TPST1: variants seen among roughly 807,000 people sequenced by gnomAD.
TPST1 encodes protein-tyrosine sulfotransferase 1.
TPST1 carries 20 observed loss-of-function variants against 34.8 expected under a neutral mutation model. The observed-to-expected ratio is 0.57, with a 90% CI of 0.40 to 0.84. The LOEUF (loss-of-function observed/expected upper bound fraction) is 0.84, where lower values mean the gene tolerates loss of function less well. Among genes scored for constraint, TPST1 ranks in the 40% least tolerant of loss-of-function variants. TPST1 has a pLI of 0.00. For synonymous variants in TPST1, 152 were observed against 159.4 expected (o/e 0.95, Z 0.35); for missense variants, 353 against 455.5 (o/e 0.78, Z 2.05).
intron 2 of TPST1, among the ~76,000 whole-genome samples, chr7:66,266,816 A>G (rs1344155540): frequency 6.6e-6 from 1 of 152,214 alleles, no homozygotes. Flanking sequence ...ATGAAGTTCA[A>G]AAGTAGCTAA....
At chr7:66,307,511 G>A (rs1420456260) in intron 3 of TPST1, among the ~76,000 whole-genome samples, 1 of 152,216 alleles carries the variant, frequency 6.6e-6, no homozygotes, top group Non-Finnish European at 1.5e-5. Flanking sequence ...GGGAAAGGAT[G>A]CTGGTTTTTG....
At position 66,240,390 on chromosome 7, in the gene TPST1, A is replaced by T; in HGVS notation, c.-36A>T. On this transcript the variant is annotated 5_prime_UTR_variant, in exon 2 of 6. The change creates a premature stop within an existing upstream ORF in the 5' untranslated region. Coordinates refer to ENST00000304842, the MANE Select transcript of TPST1 (RefSeq NM_003596.4). ...ACATTTTCCGAAAATCATTTTGAGC[A>T]AAATATCTGTTTAATAACAAGATAA... 1.9e-6 allele frequency: 3 copies of T among 1,588,748 alleles called. No individual in the cohort carries two copies.
In TPST1 at chr7:66,272,092, A is replaced by G. The variant is rs996868671; in HGVS notation, c.846-14419A>G. Reference sequence around the variant, plus strand: ...TTCCTGGATGTAAGATTCTTGGCTTATTTTTCTTCCATATGTATATTAAAT... The same window carrying G: ...TTCCTGGATGTAAGATTCTTGGCTTGTTTTTCTTCCATATGTATATTAAAT... On this transcript the variant is annotated intron_variant, in intron 2 of 5. Coordinates refer to ENST00000304842, the MANE Select transcript of TPST1 (RefSeq NM_003596.4). Among the ~76,000 whole-genome samples, 3 of 152,094 alleles carry G rather than the reference A, an allele frequency of 2.0e-5. No individual in the cohort carries two copies. The South Asian group carries it at 6.2e-4, about 31-fold the overall frequency.
At chr7:66,272,664 C>T (rs553497709) in intron 2 of TPST1, among the ~76,000 whole-genome samples, 4 of 151,624 alleles carry the variant, frequency 2.6e-5, no homozygotes, top group Non-Finnish European at 5.9e-5. Flanking sequence ...TCACAGCTCA[C>T]TGCACCTCCT....
rs775023014 is a variant in TPST1, at chr7:66,331,147, T to A, written c.1045-21358T>A. On this transcript the variant is annotated intron_variant, in intron 3 of 5. Transcript: ENST00000304842. ...GCCAGTTATTTGCCACATGAGCCTC[T>A]GTCTACGGCAGTTGACAACATGCAG... Among the ~76,000 whole-genome samples, 3 of 152,340 alleles carry A rather than the reference T, an allele frequency of 2.0e-5. No homozygotes were observed. The South Asian group carries it at 6.2e-4, about 32-fold the overall frequency.
At chr7:66,283,511 A>G (rs1790975010) in intron 2 of TPST1, among the ~76,000 whole-genome samples, 1 of 152,200 alleles carries the variant, frequency 6.6e-6, no homozygotes, top group South Asian at 2.1e-4. Context: ...AGCCATAGAC[A>G]ATCTATACAT....
chr7:66,318,419 T>A (rs747551667), intron 3 of TPST1, among the ~76,000 whole-genome samples: 2 of 152,162 alleles, frequency 1.3e-5, no homozygotes, highest in Non-Finnish European at 2.9e-5. Context: ...GCATCTAAGA[T>A]CATCTTTCTC....
At position 66,262,352 on chromosome 7, in the gene TPST1, A is replaced by G. The variant is rs529464852; in HGVS notation, c.845+21082A>G. 3.9e-5 allele frequency among the ~76,000 whole-genome samples: 6 copies of G among 152,274 alleles called. 1 individual carries two copies. The East Asian group carries it at 1.2e-3, about 29-fold the overall frequency. The stretch of plus-strand genomic sequence containing the variant: ...CTCCCTTCCTCTTCTTTCATTGGGC[A>G]TACAGAAAATTTGGGATGCCTTTTA... On this transcript the variant is annotated intron_variant, in intron 2 of 5. Transcript: ENST00000304842.
At chr7:66,295,098 T>C (rs1344739057) in intron 3 of TPST1, among the ~76,000 whole-genome samples, 1 of 151,774 alleles carries the variant, frequency 6.6e-6, no homozygotes. Context: ...TTGCAGATAC[T>C]CAATTTTAGG....
At position 66,216,703 on chromosome 7, in the gene TPST1, C is replaced by A. The variant is rs111371101; in HGVS notation, c.-102+11181C>A. Among the ~76,000 whole-genome samples the A allele has an allele frequency of 3.3e-4, 51 of 152,272 alleles. 5 individuals carry two copies. Among genetic ancestry groups the A allele is most frequent in the African/African-American group, 1.2e-3 (49 of 41,566 alleles). On this transcript the variant is annotated intron_variant, in intron 1 of 5. Coordinates refer to ENST00000304842, the MANE Select transcript of TPST1 (RefSeq NM_003596.4). ...CAGGATGGTCTCAATCTCCTGACCTCGTGATCTGCGTGCCTCAGCCTCCCA... is the reference window on the plus strand; with the variant it reads ...CAGGATGGTCTCAATCTCCTGACCTAGTGATCTGCGTGCCTCAGCCTCCCA...
chr7:66,256,493 C>A (rs1790385948), intron 2 of TPST1, among the ~76,000 whole-genome samples: 1 of 152,166 alleles, frequency 6.6e-6, no homozygotes, highest in Admixed American at 6.5e-5. Flanking sequence ...TGGTATTTGG[C>A]AAGATTCAGT....
chr7:66,228,710 A>G (rs1339175012), intron 1 of TPST1, among the ~76,000 whole-genome samples: 1 of 152,160 alleles, frequency 6.6e-6, no homozygotes, highest in African/African-American at 2.4e-5. Flanking sequence ...AAAATACAAG[A>G]CTTTTTCTAG....
intron 2 of TPST1, among the ~76,000 whole-genome samples, chr7:66,260,284 C>T (rs532642982): frequency 6.6e-6 from 1 of 152,238 alleles, no homozygotes; most frequent in African/African-American, 2.4e-5. Flanking sequence ...CACATAGCCT[C>T]AAGGTGATTT....
intron 1 of TPST1, among the ~76,000 whole-genome samples, chr7:66,224,804 G>C (rs145948235): frequency 3.4e-5 from 5 of 148,926 alleles, no homozygotes; most frequent in African/African-American, 1.2e-4. Flanking sequence ...GGAAAGAGCA[G>C]TTCTATTAAT....
At chr7:66,338,544 A>G (rs1029215010) in intron 3 of TPST1, among the ~76,000 whole-genome samples, 1 of 152,210 alleles carries the variant, frequency 6.6e-6, no homozygotes, top group Non-Finnish European at 1.5e-5. Context: ...TCAACAGCAC[A>G]TGGAATATTC....
chr7:66,348,958 T>C (rs1187067391), intron 3 of TPST1, among the ~76,000 whole-genome samples: 2 of 152,162 alleles, frequency 1.3e-5, no homozygotes, highest in African/African-American at 4.8e-5. Flanking sequence ...CATATAAGCC[T>C]TACCTATCTG....
chr7:66,336,442 A>G (rs759451068), intron 3 of TPST1, among the ~76,000 whole-genome samples: 2 of 152,218 alleles, frequency 1.3e-5, no homozygotes, highest in African/African-American at 2.4e-5. Context: ...TAGAAATCCT[A>G]TCTATAAACA....
At chr7:66,356,723 G>A in intron 4 of TPST1, 102 bp from the exon 5 acceptor site, 1 of 1,370,004 alleles carries the variant, frequency 7.3e-7, no homozygotes, top group Non-Finnish European at 1.0e-6. Context: ...ATCTGAAAGT[G>A]AACAGAGCCT....
intron 1 of TPST1, among the ~76,000 whole-genome samples, chr7:66,226,077 C>T (rs755306186): frequency 5.9e-5 from 9 of 151,910 alleles, no homozygotes; most frequent in Admixed American, 1.3e-4. Flanking sequence ...TTAGTAGAGA[C>T]GGGGTTTCAC....
Sources: gnomAD v4.1 joint callset for allele counts (sites outside exome capture counted in the v4.1 genomes callset) on GRCh38, gnomAD v4.1.1 for gene constraint, MANE v1.5 for transcripts, NCBI Gene and HGNC (gene_info 2026-07-23, HGNC 2026-07-21) for gene names.